COL18A1: variants seen among roughly 807,000 people sequenced by gnomAD.
COL18A1 encodes the protein collagen alpha-1(XVIII) chain.
Under a neutral mutation model 168.0 loss-of-function variants are expected in COL18A1, and 133 were observed. The ratio of observed to expected loss-of-function variants is 0.79; its 90% CI spans 0.69 to 0.91. The LOEUF (loss-of-function observed/expected upper bound fraction) is 0.91. COL18A1 is among the 40% of genes least tolerant of loss of function. The probability of loss-of-function intolerance (pLI) is 0.00; values close to 1 mark genes in which losing one functional copy is unlikely to be tolerated. For missense variants in COL18A1, 2,126 were observed against 1,925.4 expected, an observed-to-expected ratio of 1.10 and a Z score of -1.95; for synonymous variants, 949 against 809.0, an observed-to-expected ratio of 1.17 and a Z score of -2.94.
At chr21:45,452,158 C>T (rs775857236) in intron 2 of COL18A1, among the ~76,000 whole-genome samples, 3 of 152,366 alleles carry the variant, frequency 2.0e-5, no homozygotes, top group African/African-American at 7.2e-5. Context: ...GATCCTGGAA[C>T]GAGCCACAGT....
rs1390487950 is a variant in COL18A1, at chr21:45,490,332, A to G, written c.2017A>G (p.Ile673Val). ...CCCCGGCCTCCCTGGCAGAGAGGGCATTGCTGGGCCCCAGGTGAGTTGCCT... is the reference window on the plus strand; with the variant it reads ...CCCCGGCCTCCCTGGCAGAGAGGGCGTTGCTGGGCCCCAGGTGAGTTGCCT... ...GFPGLPGREGIAGPQGPKGDR... is the reference protein window; with the variant it reads ...GFPGLPGREGVAGPQGPKGDR... Residue 673 changes from isoleucine (I) to valine (V), a missense_variant, in exon 20 of 42, where the codon ATT becomes GTT. By Grantham distance (29) the Ile-to-Val change is conservative. Coordinates refer to ENST00000651438, the MANE Select transcript of COL18A1 (RefSeq NM_001379500.1). 34 of 1,582,644 alleles carry G rather than the reference A, an allele frequency of 2.1e-5. No individual in the cohort carries two copies. The highest frequency in any genetic ancestry group is 2.9e-5 in the Non-Finnish European group (34 of 1,165,036).
At chr21:45,464,362 C>T (rs929681536) in intron 2 of COL18A1, among the ~76,000 whole-genome samples, 1 of 152,176 alleles carries the variant, frequency 6.6e-6, no homozygotes, top group Non-Finnish European at 1.5e-5. Context: ...TAAGGCAGGC[C>T]CTCGGCAAGA....
At position 45,494,233 on chromosome 21, in the gene COL18A1, G is replaced by C; in HGVS notation, c.2353-312G>C. 4.1e-6 allele frequency: 2 copies of C among 484,404 alleles called. 1 individual carries two copies. The highest frequency in any genetic ancestry group is 7.4e-6 in the Non-Finnish European group (2 of 269,190). The allele number at this position is 484,404 out of a possible 1,614,324, so 30.0% of individuals were successfully genotyped here. A position where few individuals can be genotyped will look rare whatever the true frequency, so the allele number is the denominator to read the frequency against. ...TGGGGCCTGTGGCAACCAGGACACT[G>C]CGTGGCACATGCCCTCCACCCTCCA... On this transcript the variant is annotated intron_variant, in intron 26 of 41. Transcript: ENST00000651438.
chr21:45,432,242 G>C (rs1402494378), intron 2 of COL18A1, among the ~76,000 whole-genome samples: 1 of 86,246 alleles, frequency 1.2e-5, no homozygotes, highest in Non-Finnish European at 1.9e-5. Context: ...TCAGAGCTGG[G>C]GCTGGGGCTG....
At chr21:45,409,718 C>A (rs754727685) in intron 2 of COL18A1, among the ~76,000 whole-genome samples, 57 of 152,260 alleles carry the variant, frequency 3.7e-4, no homozygotes, top group African/African-American at 1.3e-3. Flanking sequence ...TGGCTGTCAC[C>A]AGCCTTGCTG....
intron 2 of COL18A1, among the ~76,000 whole-genome samples, chr21:45,438,716 A>G (rs2034288312): frequency 1.3e-5 from 2 of 152,242 alleles, no homozygotes; most frequent in South Asian, 2.1e-4. Flanking sequence ...ACGCCTCTGC[A>G]GGGTGCCAGG....
At position 45,507,570 on chromosome 21, in the gene COL18A1, C is replaced by A. The variant is rs564336928; in HGVS notation, c.3226C>A (p.Arg1076=). 6.2e-7 allele frequency: 1 copy of A among 1,612,978 alleles called. No homozygotes were observed. Among genetic ancestry groups the A allele is most frequent in the Non-Finnish European group, 8.5e-7 (1 of 1,179,894 alleles). Residue 1076 remains arginine (R), a synonymous_variant, in exon 38 of 42, where the codon CGG becomes AGG. Transcript: ENST00000651438. Reference sequence around the variant, plus strand: ...TGCTGCTTTCTTCCAGCTGGAGGCCCGGACACCACTCCCACGAGGGACGGT... The same window carrying A: ...TGCTGCTTTCTTCCAGCTGGAGGCCAGGACACCACTCCCACGAGGGACGGT... The part of the protein sequence containing the change: ...NGFRKVQLEA[R]TPLPRGTDNE...
intron 2 of COL18A1, among the ~76,000 whole-genome samples, chr21:45,459,605 C>G (rs1484925564): frequency 1.3e-5 from 2 of 152,196 alleles, no homozygotes; most frequent in East Asian, 3.9e-4. Flanking sequence ...GGGGGGCGCT[C>G]AAAGGGAGGG....
In COL18A1 at chr21:45,490,269, T is replaced by A. The variant is rs1363395464; in HGVS notation, c.1960-6T>A. 1 of 1,577,734 alleles carries A rather than the reference T, an allele frequency of 6.3e-7. No homozygotes were observed. On this transcript the variant is annotated splice_polypyrimidine_tract_variant and splice_region_variant and intron_variant, in intron 19 of 41. Coordinates refer to ENST00000651438, the MANE Select transcript of COL18A1 (RefSeq NM_001379500.1). ...ATGCCCTGCGTCCTCCATGTGACCCTTTCAGGGAGAAGTTGGAGCAGATGG... is the reference window on the plus strand; with the variant it reads ...ATGCCCTGCGTCCTCCATGTGACCCATTCAGGGAGAAGTTGGAGCAGATGG...
At position 45,468,356 on chromosome 21, in the gene COL18A1, C is replaced by G. The variant is rs761177952; in HGVS notation, c.221C>G (p.Ala74Gly). Residue 74 changes from alanine to glycine, a missense_variant, in exon 3 of 42, where the codon GCC (alanine) becomes GGC (glycine). Physicochemically the swap from Ala to Gly is moderately conservative, Grantham distance 60. Transcript: ENST00000651438. ...CTGGCCTACGTCTTTGGGCCAGATG[C>G]CAACAGTGGCCAAGTGGCCCGGTAC... The part of the protein sequence containing the change: ...VGLAYVFGPD[A>G]NSGQVARYHF... 69 of 1,613,656 alleles carry G rather than the reference C, an allele frequency of 4.3e-5. No homozygotes were observed. The Admixed American group carries it at 1.1e-3, about 27-fold the overall frequency.
intron 15 of COL18A1, among the ~76,000 whole-genome samples, chr21:45,486,551 G>A (rs934643939): frequency 2.6e-5 from 4 of 152,108 alleles, no homozygotes; most frequent in Non-Finnish European, 1.5e-5. Context: ...CCGGGAGCCA[G>A]GGCTGGAGGT....
intron 7 of COL18A1, 119 bp from the exon 8 acceptor site, chr21:45,477,631 C>A: frequency 8.0e-7 from 1 of 1,255,070 alleles, no homozygotes. Flanking sequence ...ATGCGTCCAC[C>A]CTGCGTGTCC....
At chr21:45,507,899 A>G (rs1002949423) in intron 38 of COL18A1, among the ~76,000 whole-genome samples, 1 of 152,036 alleles carries the variant, frequency 6.6e-6, no homozygotes, top group Non-Finnish European at 1.5e-5. Flanking sequence ...GCCAAAATCC[A>G]CATCTTGTGT....
chr21:45,418,707 C>A (rs959506091), intron 2 of COL18A1, among the ~76,000 whole-genome samples: 7 of 150,260 alleles, frequency 4.7e-5, no homozygotes, highest in Admixed American at 3.3e-4. Flanking sequence ...AGGGGCCTCC[C>A]AGCCACCTCA....
chr21:45,414,224 T>C (rs551451328), intron 2 of COL18A1, among the ~76,000 whole-genome samples: 1 of 152,322 alleles, frequency 6.6e-6, no homozygotes, highest in Non-Finnish European at 1.5e-5. Flanking sequence ...TGCCTGTGCC[T>C]GGCAGGCAGT....
intron 41 of COL18A1, among the ~76,000 whole-genome samples, chr21:45,511,713 GGT>G (rs1474261187): frequency 2.0e-5 from 3 of 152,166 alleles, no homozygotes; most frequent in Non-Finnish European, 2.9e-5. Flanking sequence ...TGCATTTAGG[GGT>G]GTCTCGGGGT....
At chr21:45,512,100 C>T (rs947019516) in intron 41 of COL18A1, 88 bp from the exon 42 acceptor site, 175 of 1,447,714 alleles carry the variant, frequency 1.2e-4, no homozygotes, top group Admixed American at 1.8e-4. Context: ...GGGCTGGCCT[C>T]CTGCCTCCAC....
intron 29 of COL18A1, chr21:45,495,719 C>CAT (rs397754550): frequency 1.2e-5 from 5 of 423,962 alleles, no homozygotes; most frequent in Admixed American, 3.5e-5. Flanking sequence ...CACACATACA[C>CAT]GCACACACAC....
chr21:45,434,850 G>T (rs2034057987), intron 2 of COL18A1, among the ~76,000 whole-genome samples: 1 of 152,200 alleles, frequency 6.6e-6, no homozygotes, highest in Non-Finnish European at 1.5e-5. Context: ...GCTGTGCTGG[G>T]GTCTCTCTGG....
Sources: allele counts gnomAD v4.1 joint callset (sites outside exome capture counted in the v4.1 genomes callset), GRCh38; gene constraint gnomAD v4.1.1; transcripts MANE v1.5; gene names NCBI Gene and HGNC (gene_info 2026-07-23, HGNC 2026-07-21).